The following PIK3C2A variants were observed in gnomAD, a reference collection of about 807,000 sequenced individuals.
The protein encoded by PIK3C2A is phosphatidylinositol 4-phosphate 3-kinase C2 domain-containing subunit alpha.
A neutral mutation model predicts 204.5 loss-of-function variants in PIK3C2A; 97 were observed. That is an observed-to-expected ratio of 0.47 (90% confidence interval 0.40 to 0.56). The LOEUF is 0.56. Among genes scored for constraint, PIK3C2A ranks in the 20% least tolerant of loss-of-function variants. The pLI is 0.00. For synonymous variants in PIK3C2A, 653 were observed against 664.4 expected (o/e 0.98, Z 0.26); for missense variants, 1,735 against 1,969.2 (o/e 0.88, Z 2.25).
At position 17,168,697 on chromosome 11, in the gene PIK3C2A, C is replaced by T; in HGVS notation, c.1045G>A (p.Ala349Thr). Residue 349 changes from alanine to threonine, a missense_variant, in exon 2 of 33, where the codon GCC becomes ACC. Ala to Thr is a moderately conservative substitution (Grantham distance 58, BLOSUM62 0). Coordinates refer to ENST00000691414, the MANE Select transcript of PIK3C2A (RefSeq NM_002645.4). ...TATACCTGAGATATATGGCCCTGGG[C>T]TTTTGCAAGCTGAGTTGTTCGAATA... ...LNIRTTQLAK[A>T]QGHISQKDPN... 3.8e-6 allele frequency: 6 copies of T among 1,587,650 alleles called. No individual in the cohort carries two copies. The highest frequency in any genetic ancestry group is 5.1e-6 in the Non-Finnish European group (6 of 1,167,946).
Position 17,182,033 on chromosome 11 carries a change from G to A in PIK3C2A, c.-65-12227C>T, listed in dbSNP as rs368972565. Among the ~76,000 whole-genome samples, 445 of 151,618 alleles carry A rather than the reference G, an allele frequency of 2.9e-3. 3 individuals are homozygous for A. Among genetic ancestry groups the A allele is most frequent in the African/African-American group, 0.01 (422 of 41,304 alleles). On this transcript the variant is annotated intron_variant, in intron 1 of 32. Coordinates refer to ENST00000691414, the MANE Select transcript of PIK3C2A (RefSeq NM_002645.4). ...CTTGAACCTGGGAAATGGAGGTTGCGGTTAGCCAAGACCGTGCCATTGTAC... is the reference window on the plus strand; with the variant it reads ...CTTGAACCTGGGAAATGGAGGTTGCAGTTAGCCAAGACCGTGCCATTGTAC...
At chr11:17,119,078 C>T (rs1849292962) in intron 17 of PIK3C2A, 142 bp downstream of exon 17, 2 of 604,820 alleles carry the variant, frequency 3.3e-6, no homozygotes, top group South Asian at 4.5e-5. Flanking sequence ...AAAAAATTCA[C>T]ACTAAATCCA....
intron 1 of PIK3C2A, chr11:17,204,421 A>G (rs1420750815): frequency 1.3e-5 from 2 of 152,220 alleles, no homozygotes; most frequent in Non-Finnish European, 2.9e-5. Context: ...AGTTTGCTCA[A>G]TATCTCACCG....
intron 1 of PIK3C2A, among the ~76,000 whole-genome samples, chr11:17,184,405 G>A (rs975430256): frequency 6.6e-6 from 1 of 151,828 alleles, no homozygotes; most frequent in African/African-American, 2.4e-5. Context: ...CCTTGTGTAG[G>A]CCTAGGCTGC....
In PIK3C2A at chr11:17,091,580, A is replaced by C. The variant is rs756697632; in HGVS notation, c.4719T>G (p.Thr1573=). The change falls in exon 31 of 33, where the codon ACT becomes ACG. Residue 1573 remains threonine (T), a synonymous_variant. Coordinates refer to ENST00000691414, the MANE Select transcript of PIK3C2A (RefSeq NM_002645.4). ...VKLSISYRNG[T]LFIMVMHIKD... is the part of the protein sequence containing the mutation. ...TGATATGCATCACCATGATGAAAAGAGTACCATTTCGGTAAGAGATGGATA... is the reference window on the plus strand; with the variant it reads ...TGATATGCATCACCATGATGAAAAGCGTACCATTTCGGTAAGAGATGGATA... The C allele has an allele frequency of 1.2e-6, 2 of 1,613,238 alleles. No homozygotes were observed. The highest frequency in any genetic ancestry group is 1.7e-6 in the Non-Finnish European group (2 of 1,179,188).
chr11:17,089,450 A>C lies in PIK3C2A; in HGVS notation c.*288T>G, dbSNP rs956887768. The stretch of plus-strand genomic sequence containing the variant: ...GGCTGAACTGACATAGTACTGTCTC[A>C]AAGTCTTTTTCAGGAATTAGTATAT... On this transcript the variant is annotated 3_prime_UTR_variant, in exon 33 of 33. Transcript: ENST00000691414. 4 of 270,410 alleles carry C rather than the reference A, an allele frequency of 1.5e-5. No homozygotes were observed. Among genetic ancestry groups the C allele is most frequent in the African/African-American group, 8.7e-5 (4 of 45,736 alleles). 16.8% of individuals were successfully genotyped at this position (270,410 alleles called of 1,614,324 possible).
intron 2 of PIK3C2A, among the ~76,000 whole-genome samples, chr11:17,161,557 T>C (rs1850776332): frequency 6.6e-6 from 1 of 152,198 alleles, no homozygotes; most frequent in Non-Finnish European, 1.5e-5. Context: ...AAAAGCCTGA[T>C]TTAAACTTAA....
chr11:17,187,908 T>C (rs1039968554), intron 1 of PIK3C2A, among the ~76,000 whole-genome samples: 6 of 152,050 alleles, frequency 3.9e-5, no homozygotes, highest in African/African-American at 1.4e-4. Flanking sequence ...AGTAAGAAAC[T>C]ACTAAGTCAA....
At chr11:17,207,041 A>C (rs1220977641) in intron 1 of PIK3C2A, among the ~76,000 whole-genome samples, 1 of 152,144 alleles carries the variant, frequency 6.6e-6, no homozygotes, top group Non-Finnish European at 1.5e-5. Flanking sequence ...TTATGTCCAG[A>C]CTTTTTTCCT....
At position 17,097,276 on chromosome 11, in the gene PIK3C2A, T is replaced by C; in HGVS notation, c.4119-12A>G. On this transcript the variant is annotated splice_polypyrimidine_tract_variant and intron_variant, in intron 26 of 32. Coordinates refer to ENST00000691414, the MANE Select transcript of PIK3C2A (RefSeq NM_002645.4). Reference sequence around the variant, plus strand: ...TTGATTCAATAAGCCTACAAAATAATCAGAAAATTCGTTAACAGTAAATGA... The same window carrying C: ...TTGATTCAATAAGCCTACAAAATAACCAGAAAATTCGTTAACAGTAAATGA... 4 of 1,572,534 alleles carry C rather than the reference T, an allele frequency of 2.5e-6. No homozygotes were observed. Among genetic ancestry groups the C allele is most frequent in the Non-Finnish European group, 3.5e-6 (4 of 1,145,126 alleles).
At chr11:17,101,529 G>A (rs1848621232) in intron 24 of PIK3C2A, 95 bp from the exon 25 acceptor site, 2 of 538,270 alleles carry the variant, frequency 3.7e-6, no homozygotes, top group Non-Finnish European at 6.1e-6. Context: ...CTGAGGTACA[G>A]CCATTTCCAA....
intron 2 of PIK3C2A, among the ~76,000 whole-genome samples, chr11:17,163,464 T>C (rs1850847986): frequency 6.6e-6 from 1 of 152,296 alleles, no homozygotes; most frequent in South Asian, 2.1e-4. Flanking sequence ...ACAAGGGCCT[T>C]ATCATCATAG....
chr11:17,117,432 ACC>A, intron 19 of PIK3C2A, 57 bp downstream of exon 19: 1 of 1,180,098 alleles, frequency 8.5e-7, no homozygotes, highest in Non-Finnish European at 1.2e-6. Flanking sequence ...ATTAGTCAGC[ACC>A]ATAAAGATCC....
intron 8 of PIK3C2A, among the ~76,000 whole-genome samples, chr11:17,143,578 A>G (rs933874327): frequency 1.3e-5 from 2 of 151,478 alleles, no homozygotes; most frequent in African/African-American, 4.9e-5. Flanking sequence ...CAACTACTCA[A>G]CTCTAGTGTT....
Position 17,134,753 on chromosome 11 carries a change from G to A in PIK3C2A, c.2108+66C>T. 6 of 1,142,362 alleles carry A rather than the reference G, an allele frequency of 5.3e-6. No individual in the cohort carries two copies. The South Asian group carries it at 7.5e-5, about 14-fold the overall frequency. The allele number at this position is 1,142,362 out of a possible 1,614,324, so 70.8% of individuals were successfully genotyped here. On this transcript the variant is annotated intron_variant, in intron 11 of 32. Transcript: ENST00000691414. ...TGGGGTCAAGCAATCCTCCCACTGT[G>A]GCCTCACAAAGCCTTGGGATTACAG...
chr11:17,157,856 C>T (rs1376244953), intron 2 of PIK3C2A, among the ~76,000 whole-genome samples: 3 of 152,164 alleles, frequency 2.0e-5, no homozygotes, highest in African/African-American at 7.2e-5. Context: ...TTTATATTTC[C>T]TAGCAAATCC....
chr11:17,198,179 G>A (rs1313933007), intron 1 of PIK3C2A, among the ~76,000 whole-genome samples: 4 of 149,058 alleles, frequency 2.7e-5, no homozygotes, highest in South Asian at 2.1e-4. Flanking sequence ...CACAGTCTCC[G>A]CTCATTGCAA....
At chr11:17,185,011 T>C (rs1851706284) in intron 1 of PIK3C2A, among the ~76,000 whole-genome samples, 1 of 152,018 alleles carries the variant, frequency 6.6e-6, no homozygotes, top group Non-Finnish European at 1.5e-5. Flanking sequence ...ACATGTACAG[T>C]GTTTATAAAA....
chr11:17,204,513 A>G (rs1222856408), intron 1 of PIK3C2A: 1 of 152,204 alleles, frequency 6.6e-6, no homozygotes. Flanking sequence ...TAATCATTTA[A>G]GACTCAACTT....
Sources: gnomAD v4.1 joint callset for allele counts (sites outside exome capture counted in the v4.1 genomes callset) on GRCh38, gnomAD v4.1.1 for gene constraint, MANE v1.5 for transcripts, NCBI Gene and HGNC (gene_info 2026-07-23, HGNC 2026-07-21) for gene names.